Variants in SLC1A4 observed in about 807,000 individuals in gnomAD.
The protein encoded by SLC1A4 is neutral amino acid transporter A.
Under a neutral mutation model 37.7 loss-of-function variants are expected in SLC1A4, and 19 were observed. The observed-to-expected ratio is 0.50, with a 90% CI of 0.35 to 0.74. The LOEUF (loss-of-function observed/expected upper bound fraction) is 0.74. Among genes scored for constraint, SLC1A4 ranks in the 30% least tolerant of loss-of-function variants. SLC1A4 has a pLI of 0.01. For missense variants in SLC1A4, 570 were observed against 712.9 expected (o/e 0.80, Z 2.28); for synonymous variants, 299 against 309.8 (o/e 0.97, Z 0.37).
intron 2 of SLC1A4, among the ~76,000 whole-genome samples, chr2:65,003,379 C>T (rs980397324): frequency 2.0e-5 from 3 of 152,208 alleles, no homozygotes; most frequent in African/African-American, 7.2e-5. Flanking sequence ...GCTAGAAAGA[C>T]GTCTCACTTC....
chr2:64,996,234 C>T (rs1455860144), intron 1 of SLC1A4, among the ~76,000 whole-genome samples: 2 of 152,130 alleles, frequency 1.3e-5, no homozygotes, highest in Non-Finnish European at 2.9e-5. Context: ...ACAGGTTCCA[C>T]CAAACAATAT....
chr2:65,016,393 C>T (rs747339070), intron 4 of SLC1A4, 47 bp from the exon 5 acceptor site: 1 of 1,468,786 alleles, frequency 6.8e-7, no homozygotes, highest in South Asian at 1.1e-5. Context: ...GCATCTCTCA[C>T]CCCAGCTTTA....
rs150614530 is a variant in SLC1A4, at chr2:65,018,205, C to G, written c.1169C>G (p.Ala390Gly). The G allele has an allele frequency of 2.2e-5, 36 of 1,614,182 alleles. No individual in the cohort carries two copies. In the African/African-American group the frequency reaches 3.5e-4, roughly 16 times the overall value. ...DGAAIFQCVA[A>G]VFIAQLNNVE... ...GCAGCCATCTTCCAGTGTGTGGCCGCGGTGTTCATTGCGCAACTCAACAAC... is the reference window on the plus strand; with the variant it reads ...GCAGCCATCTTCCAGTGTGTGGCCGGGGTGTTCATTGCGCAACTCAACAAC... Residue 390 changes from alanine (A) to glycine (G), a missense_variant, in exon 6 of 8, where the codon GCG becomes GGG. Coordinates refer to ENST00000234256, the MANE Select transcript of SLC1A4 (RefSeq NM_003038.5). This position sits in a 1 kb window ranked among gnomAD's most constrained non-coding sequence, Gnocchi z 4.3.
At chr2:65,017,986 C>G (rs1338204146) in intron 5 of SLC1A4, 85 bp from the exon 6 acceptor site, 2 of 1,146,258 alleles carry the variant, frequency 1.7e-6, no homozygotes, top group Non-Finnish European at 2.5e-6. Flanking sequence ...GTGCTAATTG[C>G]TCTGTTCTGG....
chr2:65,002,444 A>C (rs1487117750), intron 2 of SLC1A4, among the ~76,000 whole-genome samples: 1 of 151,692 alleles, frequency 6.6e-6, no homozygotes, highest in African/African-American at 2.4e-5. Flanking sequence ...CCACGGCTGT[A>C]GAGTATTCCA....
At position 65,018,473 on chromosome 2, in the gene SLC1A4, G is replaced by C; in HGVS notation, c.1230-72G>C. 6.3e-7 allele frequency: 1 copy of C among 1,579,676 alleles called. No individual in the cohort carries two copies. The highest frequency in any genetic ancestry group is 8.6e-7 in the Non-Finnish European group (1 of 1,160,506). On this transcript the variant is annotated intron_variant, in intron 6 of 7. Coordinates refer to ENST00000234256, the MANE Select transcript of SLC1A4 (RefSeq NM_003038.5). This position sits in a 1 kb window ranked among gnomAD's most constrained non-coding sequence, Gnocchi z 4.3. ...TTTAGTTTCCAGCCACATTGCAGCT[G>C]CATGGTCTGCATTTCTCTGTGTCCA...
intron 3 of SLC1A4, among the ~76,000 whole-genome samples, chr2:65,007,715 A>T (rs1245511168): frequency 6.6e-6 from 1 of 152,236 alleles, no homozygotes; most frequent in African/African-American, 2.4e-5. Flanking sequence ...ATTGAATAAT[A>T]AATGTGCATA....
At chr2:64,995,199 A>C (rs1673205308) in intron 1 of SLC1A4, among the ~76,000 whole-genome samples, 1 of 152,208 alleles carries the variant, frequency 6.6e-6, no homozygotes, top group African/African-American at 2.4e-5. Flanking sequence ...AAGAGCAGAC[A>C]CTAAAGCCAA....
chr2:65,021,263 T>G lies in SLC1A4; in HGVS notation c.*117T>G. On this transcript the variant is annotated 3_prime_UTR_variant, in exon 8 of 8. Coordinates refer to ENST00000234256, the MANE Select transcript of SLC1A4 (RefSeq NM_003038.5). The stretch of plus-strand genomic sequence containing the variant: ...ACTTTTACCCTCCCAAGCAATGCTT[T>G]GGCCCAGTCGCTGGCCTGAGGCTTA... 2.5e-6 allele frequency: 2 copies of G among 793,098 alleles called. No homozygotes were observed. The highest frequency in any genetic ancestry group is 4.0e-6 in the Non-Finnish European group (2 of 496,228). The allele number at this position is 793,098 out of a possible 1,614,324, so 49.1% of individuals were successfully genotyped here.
chr2:65,016,119 G>T (rs192533387), intron 4 of SLC1A4, among the ~76,000 whole-genome samples: 3 of 152,170 alleles, frequency 2.0e-5, no homozygotes, highest in Non-Finnish European at 4.4e-5. Context: ...CTTTGATCTC[G>T]ATTTCCTTGC....
At position 65,022,673 on chromosome 2, in the gene SLC1A4, T is replaced by C. The variant is rs1307152033; in HGVS notation, c.*1527T>C. 1 of 152,242 alleles carries C rather than the reference T, an allele frequency of 6.6e-6. No homozygotes were observed. The highest frequency in any genetic ancestry group is 1.5e-5 in the Non-Finnish European group (1 of 68,066). 9.4% of individuals were successfully genotyped at this position (152,242 alleles called of 1,614,324 possible). On this transcript the variant is annotated 3_prime_UTR_variant, in exon 8 of 8. Coordinates refer to ENST00000234256, the MANE Select transcript of SLC1A4 (RefSeq NM_003038.5). The stretch of plus-strand genomic sequence containing the variant: ...ATGCCCTTGTTCTGTGTGTAGTTAC[T>C]TGACAGCATCAAATGCCGCCTCTTC...
chr2:65,012,669 G>T (rs1673966785), intron 4 of SLC1A4, among the ~76,000 whole-genome samples: 1 of 152,140 alleles, frequency 6.6e-6, no homozygotes. Flanking sequence ...GAAAAGAAAA[G>T]GTATTTAGAT....
upstream of SLC1A4, chr2:64,989,364 C>G (rs1052691821): frequency 3.5e-5 from 11 of 314,662 alleles, no homozygotes; most frequent in African/African-American, 2.0e-4. Context: ...CCTACTTCCC[C>G]GTCTGCGTCC....
Position 65,018,148 on chromosome 2 carries a change from TC to T in SLC1A4, c.1116del (p.Ile373SerfsTer5). 1 of 1,614,096 alleles carries T rather than the reference TC, an allele frequency of 6.2e-7. No homozygotes were observed. The highest frequency in any genetic ancestry group is 8.5e-7 in the Non-Finnish European group (1 of 1,179,984). On this transcript the variant is annotated frameshift_variant, in exon 6 of 8. Transcript: ENST00000234256. LOFTEE classifies it high-confidence loss of function. This position sits in a 1 kb window ranked among gnomAD's most constrained non-coding sequence, Gnocchi z 4.3. The part of the protein sequence containing the change: ...GVDKRISRFI[L>X]PIGATVNMDG... The stretch of plus-strand genomic sequence containing the variant: ...GACAAGAGGATCAGCAGGTTTATTC[TC>T]CCCATCGGGGCCACCGTGAACATGG...
At position 65,022,633 on chromosome 2, in the gene SLC1A4, A is replaced by C. The variant is rs1280242220; in HGVS notation, c.*1487A>C. The C allele has an allele frequency of 6.6e-6, 1 of 152,064 alleles. No homozygotes were observed. The allele number at this position is 152,064 out of a possible 1,614,324, so 9.4% of individuals were successfully genotyped here. ...GAGCAGGGCTTTGTTCTCTATGTGC[A>C]TTAGGACTTTTATCATGCCCTTGTT... On this transcript the variant is annotated 3_prime_UTR_variant, in exon 8 of 8. Coordinates refer to ENST00000234256, the MANE Select transcript of SLC1A4 (RefSeq NM_003038.5).
upstream of SLC1A4, chr2:64,988,707 G>A (rs1411539521): frequency 6.6e-6 from 1 of 152,322 alleles, no homozygotes; most frequent in Non-Finnish European, 1.5e-5. Flanking sequence ...CTCAAGGCCG[G>A]GGCCTTGCTG....
intron 1 of SLC1A4, among the ~76,000 whole-genome samples, chr2:64,992,718 C>A (rs1437616654): frequency 6.6e-6 from 1 of 152,158 alleles, no homozygotes; most frequent in Non-Finnish European, 1.5e-5. Flanking sequence ...AGTCAACATG[C>A]CTTAGTAATG....
At chr2:65,016,334 T>C (rs1674131286) in intron 4 of SLC1A4, 106 bp from the exon 5 acceptor site, 2 of 869,346 alleles carry the variant, frequency 2.3e-6, no homozygotes, top group African/African-American at 1.6e-5. Flanking sequence ...TAGGGAGAGA[T>C]GAAGACGGCC....
intron 2 of SLC1A4, among the ~76,000 whole-genome samples, chr2:65,002,520 G>T (rs1673508229): frequency 6.9e-6 from 1 of 144,466 alleles, no homozygotes; most frequent in African/African-American, 2.6e-5. Context: ...GTTGTTTCTG[G>T]TTTTCCCCTA....
Sources: gnomAD v4.1 joint callset for allele counts (sites outside exome capture counted in the v4.1 genomes callset) on GRCh38, gnomAD v4.1.1 for gene constraint, Gnocchi (gnomAD v3.1) non-coding constraint, MANE v1.5 for transcripts, NCBI Gene and HGNC (gene_info 2026-07-23, HGNC 2026-07-21) for gene names.